The following TOM1L1 variants were observed in gnomAD, a reference collection of about 807,000 sequenced individuals.
TOM1L1 encodes the protein TOM1-like protein 1.
In TOM1L1, 64 loss-of-function variants were observed where a neutral mutation model predicts 63.4. That is an observed-to-expected ratio of 1.01 (90% CI 0.83 to 1.24). The LOEUF (loss-of-function observed/expected upper bound fraction) is 1.24. Among genes scored for constraint, TOM1L1 ranks in the 50% most tolerant of loss-of-function variants. The pLI, the probability that TOM1L1 is intolerant of heterozygous loss-of-function variation, is 0.00. For missense variants in TOM1L1, 536 were observed against 567.0 expected, an observed-to-expected ratio of 0.95 and a Z score of 0.55; for synonymous variants, 166 against 194.4, an observed-to-expected ratio of 0.85 and a Z score of 1.22.
In TOM1L1 at chr17:54,942,656, G is replaced by C. The variant is rs1020684919; in HGVS notation, c.1130+3636G>C. Among the ~76,000 whole-genome samples, 6 of 152,158 alleles carry C rather than the reference G, an allele frequency of 3.9e-5. No homozygotes were observed. In the Middle Eastern group the frequency reaches 0.01, roughly 259 times the overall value. ...CTTCTCTCTTTTTGTTTTTAGTTTT[G>C]TACTTTAATTTTATTTCTAAAATTT... On this transcript the variant is annotated intron_variant, in intron 11 of 15. Coordinates refer to ENST00000575882, the MANE Select transcript of TOM1L1 (RefSeq NM_005486.3).
At chr17:54,921,303 A>G (rs559587729) in intron 7 of TOM1L1, among the ~76,000 whole-genome samples, 2 of 152,320 alleles carry the variant, frequency 1.3e-5, no homozygotes, top group East Asian at 1.9e-4. Context: ...GTTATGAGAA[A>G]GGTTTTCAGG....
At chr17:54,938,883 C>A in intron 10 of TOM1L1, 41 bp from the exon 11 acceptor site, 1 of 1,261,780 alleles carries the variant, frequency 7.9e-7, no homozygotes, top group South Asian at 1.4e-5. Context: ...AACTGACTGA[C>A]AAAATGTTTT....
intron 7 of TOM1L1, among the ~76,000 whole-genome samples, chr17:54,927,313 T>A (rs1458792483): frequency 6.6e-6 from 1 of 152,210 alleles, no homozygotes; most frequent in African/African-American, 2.4e-5. Context: ...AACACATTTC[T>A]TCGTGTTTTG....
At chr17:54,903,910 A>G in intron 2 of TOM1L1, 118 bp downstream of exon 2, 2 of 820,334 alleles carry the variant, frequency 2.4e-6, no homozygotes, top group Non-Finnish European at 3.9e-6. Flanking sequence ...ATCATTCATT[A>G]GGCACCCTCT....
chr17:54,950,862 C>G (rs2049213742), intron 14 of TOM1L1, among the ~76,000 whole-genome samples: 2 of 152,156 alleles, frequency 1.3e-5, no homozygotes, highest in African/African-American at 4.8e-5. Flanking sequence ...TTCCTCAGCT[C>G]TCACTCTAAT....
intron 14 of TOM1L1, chr17:54,958,254 G>A (rs929404987): frequency 1.3e-5 from 2 of 152,230 alleles, no homozygotes; most frequent in Non-Finnish European, 2.9e-5. Flanking sequence ...GGGCAGACAA[G>A]TAAGATAAGA....
At chr17:54,926,997 C>CTAT (rs936934380) in intron 7 of TOM1L1, among the ~76,000 whole-genome samples, 1 of 152,184 alleles carries the variant, frequency 6.6e-6, no homozygotes, top group Non-Finnish European at 1.5e-5. Flanking sequence ...AAGTCCTGTA[C>CTAT]TATTTGCAGA....
rs1453926744 is a variant in TOM1L1, at chr17:54,931,862, C to T, written c.854+1656C>T. Among the ~76,000 whole-genome samples, 7 of 151,978 alleles carry T rather than the reference C, an allele frequency of 4.6e-5. No individual in the cohort carries two copies. In the East Asian group the frequency reaches 1.3e-3, roughly 29 times the overall value. On this transcript the variant is annotated intron_variant, in intron 8 of 15. Coordinates refer to ENST00000575882, the MANE Select transcript of TOM1L1 (RefSeq NM_005486.3). ...TGGTAGTTTCTTTCCTTCACTGTCT[C>T]ATATTTACTGTCAGAGAAGGGCATC...
chr17:54,946,180 T>C (rs2049115550), intron 11 of TOM1L1, among the ~76,000 whole-genome samples: 1 of 152,190 alleles, frequency 6.6e-6, no homozygotes, highest in Admixed American at 6.5e-5. Flanking sequence ...GCAGGTTGTT[T>C]GTTCACTTCT....
intron 14 of TOM1L1, among the ~76,000 whole-genome samples, chr17:54,956,214 G>A (rs78533526): frequency 0.011 from 1,632 of 152,192 alleles, 26 homozygotes; most frequent in African/African-American, 0.036. Context: ...GCATGATCAC[G>A]GCTTACTGCA....
intron 3 of TOM1L1, among the ~76,000 whole-genome samples, chr17:54,909,898 A>AT (rs1399078144): frequency 6.6e-6 from 1 of 152,204 alleles, no homozygotes; most frequent in African/African-American, 2.4e-5. Context: ...AACATATTTA[A>AT]TTTTTCCAAT....
At chr17:54,930,491 G>C (rs536735893) in intron 8 of TOM1L1, 2 of 293,266 alleles carry the variant, frequency 6.8e-6, no homozygotes, top group South Asian at 1.0e-4. Context: ...GATCACTTGA[G>C]CCCAGGAATT....
intron 14 of TOM1L1, among the ~76,000 whole-genome samples, chr17:54,950,925 C>G (rs2049215848): frequency 6.6e-6 from 1 of 152,152 alleles, no homozygotes; most frequent in South Asian, 2.1e-4. Flanking sequence ...AGGATTTCTC[C>G]CCATCAGCAG....
intron 14 of TOM1L1, among the ~76,000 whole-genome samples, chr17:54,956,601 G>A (rs116901735): frequency 6.6e-6 from 1 of 151,966 alleles, no homozygotes; most frequent in Admixed American, 6.6e-5. Flanking sequence ...AAGCCACCGT[G>A]CCTAGCCTTT....
chr17:54,932,140 C>T (rs967509319), intron 8 of TOM1L1, among the ~76,000 whole-genome samples: 12 of 151,958 alleles, frequency 7.9e-5, no homozygotes, highest in South Asian at 2.1e-4. Flanking sequence ...GGGGTTTATT[C>T]GGCCAGGGGC....
intron 14 of TOM1L1, among the ~76,000 whole-genome samples, chr17:54,951,738 G>A (rs549801962): frequency 3.8e-4 from 58 of 152,260 alleles, no homozygotes; most frequent in Non-Finnish European, 6.0e-4. Context: ...CTGTCAACAC[G>A]AAGCCTGAAT....
In TOM1L1 at chr17:54,932,233, G is replaced by A. The variant is rs2048875239; in HGVS notation, c.854+2027G>A. 2.6e-5 allele frequency among the ~76,000 whole-genome samples: 4 copies of A among 152,258 alleles called. No homozygotes were observed. In the Middle Eastern group the frequency reaches 0.014, roughly 518 times the overall value. The stretch of plus-strand genomic sequence containing the variant: ...TTTAAGGGCTCACAACTCTAAGGGG[G>A]TGCGTGTGAGAGGGTCGTGATTGAT... On this transcript the variant is annotated intron_variant, in intron 8 of 15. Coordinates refer to ENST00000575882, the MANE Select transcript of TOM1L1 (RefSeq NM_005486.3).
At chr17:54,939,434 G>C (rs969784767) in intron 11 of TOM1L1, among the ~76,000 whole-genome samples, 3 of 152,176 alleles carry the variant, frequency 2.0e-5, no homozygotes, top group African/African-American at 7.2e-5. Context: ...CAATGACAAA[G>C]GAGGCAGAAG....
intron 14 of TOM1L1, among the ~76,000 whole-genome samples, chr17:54,959,854 C>T (rs1374568004): frequency 2.0e-5 from 3 of 151,950 alleles, no homozygotes; most frequent in East Asian, 1.9e-4. Flanking sequence ...TGGACTCAAG[C>T]GATCCACCCA....
Sources: allele counts gnomAD v4.1 joint callset (sites outside exome capture counted in the v4.1 genomes callset), GRCh38; gene constraint gnomAD v4.1.1; transcripts MANE v1.5; gene names NCBI Gene and HGNC (gene_info 2026-07-23, HGNC 2026-07-21).